PTPRN2: variants seen among roughly 807,000 people sequenced by gnomAD.
PTPRN2 encodes the protein receptor-type tyrosine-protein phosphatase N2.
PTPRN2 carries 74 observed loss-of-function variants against 118.8 expected under a neutral mutation model. The ratio of observed to expected loss-of-function variants is 0.62; its 90% CI spans 0.52 to 0.76. The LOEUF is 0.76. Ranked by LOEUF, PTPRN2 falls within the 30% of genes least tolerant of loss-of-function variation. The pLI, the probability that PTPRN2 is intolerant of heterozygous loss-of-function variation, is 0.00. For synonymous variants in PTPRN2, 641 were observed against 608.0 expected, an observed-to-expected ratio of 1.05 and a Z score of -0.80; for missense variants, 1,481 against 1,394.4, an observed-to-expected ratio of 1.06 and a Z score of -0.99.
rs191382287 is a variant in PTPRN2 at position 158,413,527 on chromosome 7, A to T, written c.163+76208T>A. On this transcript the variant is annotated intron_variant, in intron 2 of 22. Coordinates refer to ENST00000389418, the MANE Select transcript of PTPRN2 (RefSeq NM_002847.5). The stretch of plus-strand genomic sequence containing the variant: ...GGGCCTGTGACTAACACAGATGAGG[A>T]TCTCTTGTCCTTAACCTTTTCCGAC... Among the ~76,000 whole-genome samples, 155 of 152,312 alleles carry T rather than the reference A, an allele frequency of 1.0e-3. 2 individuals carry two copies. In the East Asian group the frequency reaches 0.021, roughly 21 times the overall value.
At position 158,166,841 on chromosome 7, in the gene PTPRN2, C is replaced by G. The variant is rs1252652134; in HGVS notation, c.910+90G>C. ...GGGGGAGTGCGGTGTGCAGACCCCA[C>G]GTGTGGGAAGAGCATGGTGCGTCTG... On this transcript the variant is annotated intron_variant, in intron 6 of 22. Transcript: ENST00000389418. 2.9e-6 allele frequency: 4 copies of G among 1,367,878 alleles called. No homozygotes were observed. In the African/African-American group the frequency reaches 4.4e-5, roughly 15 times the overall value. 84.7% of individuals were successfully genotyped at this position (1,367,878 alleles called of 1,614,324 possible).
intron 2 of PTPRN2, among the ~76,000 whole-genome samples, chr7:158,401,718 G>C: frequency 6.6e-6 from 1 of 152,230 alleles, no homozygotes; most frequent in East Asian, 1.9e-4. Flanking sequence ...AATTATTCCC[G>C]AGACAAAATT....
chr7:157,606,749 G>A (rs560736819), intron 15 of PTPRN2, among the ~76,000 whole-genome samples: 4 of 152,304 alleles, frequency 2.6e-5, no homozygotes, highest in African/African-American at 9.6e-5. Context: ...GCTTCTCTAC[G>A]CAATTCTTTC....
chr7:157,955,191 C>T (rs1172071690), intron 11 of PTPRN2, among the ~76,000 whole-genome samples: 2 of 152,134 alleles, frequency 1.3e-5, no homozygotes, highest in East Asian at 1.9e-4. Context: ...GGTGTAGCTG[C>T]GAATTTTCTA....
chr7:158,064,392 C>G (rs185349807), intron 11 of PTPRN2, among the ~76,000 whole-genome samples: 1 of 152,058 alleles, frequency 6.6e-6, no homozygotes, highest in Non-Finnish European at 1.5e-5. Flanking sequence ...CCACAGCCCC[C>G]GGGAGAGCAT....
At chr7:157,692,397 G>A (rs1797550165) in intron 12 of PTPRN2, among the ~76,000 whole-genome samples, 1 of 152,216 alleles carries the variant, frequency 6.6e-6, no homozygotes, top group Admixed American at 6.5e-5. Flanking sequence ...GGCCTTGCCT[G>A]GCGCTTTTCT....
chr7:157,704,823 T>C (rs934482250), intron 12 of PTPRN2, among the ~76,000 whole-genome samples: 3 of 152,270 alleles, frequency 2.0e-5, no homozygotes, highest in Non-Finnish European at 2.9e-5. Context: ...ATACTAAATA[T>C]TTAAAGTAAT....
intron 2 of PTPRN2, among the ~76,000 whole-genome samples, chr7:158,412,565 A>T: frequency 8.7e-6 from 1 of 114,730 alleles, no homozygotes; most frequent in Non-Finnish European, 1.8e-5. Flanking sequence ...CCTCAGCACC[A>T]GGGCCTATCT....
chr7:158,191,005 C>T (rs949688944), intron 5 of PTPRN2, among the ~76,000 whole-genome samples: 2 of 152,248 alleles, frequency 1.3e-5, no homozygotes, highest in African/African-American at 4.8e-5. Flanking sequence ...CCTGCCTGCA[C>T]AGAACGTGCC....
chr7:158,114,818 G>A (rs1816593653), intron 9 of PTPRN2, among the ~76,000 whole-genome samples: 1 of 152,164 alleles, frequency 6.6e-6, no homozygotes, highest in African/African-American at 2.4e-5. Context: ...ACTAGTCTAA[G>A]GCACAGAGCG....
At chr7:158,585,051 G>A (rs765041843) in intron 1 of PTPRN2, among the ~76,000 whole-genome samples, 48 of 152,192 alleles carry the variant, frequency 3.2e-4, no homozygotes, top group Non-Finnish European at 6.2e-4. Flanking sequence ...AGCTGGGCCG[G>A]ATTTAAGGCC....
intron 13 of PTPRN2, among the ~76,000 whole-genome samples, chr7:157,665,282 G>A (rs1371345236): frequency 9.2e-5 from 14 of 152,252 alleles, no homozygotes; most frequent in African/African-American, 3.4e-4. Context: ...CAGCCACAGC[G>A]GCCCAGTGTG....
intron 12 of PTPRN2, among the ~76,000 whole-genome samples, chr7:157,867,328 C>T (rs1452547505): frequency 8.8e-6 from 1 of 113,272 alleles, no homozygotes; most frequent in African/African-American, 4.0e-5. Flanking sequence ...ACCACCCTGT[C>T]CCTGACACCC....
intron 12 of PTPRN2, among the ~76,000 whole-genome samples, chr7:157,765,824 A>G (rs1435101362): frequency 1.5e-5 from 2 of 134,260 alleles, no homozygotes; most frequent in Non-Finnish European, 3.1e-5. Context: ...TCCATCATCC[A>G]TTCTTCCTCC....
In PTPRN2 at chr7:157,831,987, C is replaced by A. The variant is rs375455217; in HGVS notation, c.1788+66686G>T. On this transcript the variant is annotated intron_variant, in intron 12 of 22. Transcript: ENST00000389418. This position sits in a 1 kb window ranked among gnomAD's most constrained non-coding sequence, Gnocchi z 4.8. ...GCTTCGTCTGCATGAGGAGTGACGG[C>A]TGGGCTGCTGATGGCCCTGAGGGGT... Among the ~76,000 whole-genome samples the A allele has an allele frequency of 8.5e-5, 13 of 152,350 alleles. No homozygotes were observed. Among genetic ancestry groups the A allele is most frequent in the African/African-American group, 3.1e-4 (13 of 41,576 alleles).
chr7:158,522,297 A>G (rs1563389607), intron 1 of PTPRN2, among the ~76,000 whole-genome samples: 1 of 89,578 alleles, frequency 1.1e-5, no homozygotes, highest in African/African-American at 5.2e-5. Flanking sequence ...GGTCCACGTC[A>G]CAATGGTGGA....
intron 11 of PTPRN2, among the ~76,000 whole-genome samples, chr7:157,971,866 C>A (rs1240706607): frequency 1.3e-5 from 2 of 152,214 alleles, no homozygotes; most frequent in African/African-American, 4.8e-5. Flanking sequence ...AATTTATCCA[C>A]TGCATATGTA....
At chr7:157,892,313 G>A (rs1367500051) in intron 12 of PTPRN2, among the ~76,000 whole-genome samples, 2 of 152,128 alleles carry the variant, frequency 1.3e-5, no homozygotes, top group Non-Finnish European at 2.9e-5. Flanking sequence ...TTTGAGTTTT[G>A]CTTTTTGGTG....
chr7:157,861,299 G>C lies in PTPRN2; in HGVS notation c.1788+37374C>G, dbSNP rs930474182. ...AGCCCTCTGTGGGGAATCCGTGGGA[G>C]GATGAGAGGCCTGGATTGCACCGGA... On this transcript the variant is annotated intron_variant, in intron 12 of 22. Transcript: ENST00000389418. This position sits in a 1 kb window ranked among gnomAD's most constrained non-coding sequence, Gnocchi z 5.8. Among the ~76,000 whole-genome samples the C allele has an allele frequency of 1.3e-4, 20 of 152,244 alleles. No individual in the cohort carries two copies. Among genetic ancestry groups the C allele is most frequent in the African/African-American group, 4.8e-4 (20 of 41,474 alleles).
Sources: allele counts gnomAD v4.1 joint callset (sites outside exome capture counted in the v4.1 genomes callset), GRCh38; gene constraint gnomAD v4.1.1; non-coding constraint Gnocchi (gnomAD v3.1); transcripts MANE v1.5; gene names NCBI Gene and HGNC (gene_info 2026-07-23, HGNC 2026-07-21).